EPHA6: variants seen among roughly 807,000 people sequenced by gnomAD.
The protein encoded by EPHA6 is ephrin type-A receptor 6.
A neutral mutation model predicts 112.0 loss-of-function variants in EPHA6; 50 were observed. The observed-to-expected ratio is 0.45, with a 90% CI of 0.36 to 0.56. The LOEUF (loss-of-function observed/expected upper bound fraction) is 0.56. Ranked by LOEUF, EPHA6 falls within the 20% of genes least tolerant of loss-of-function variation. EPHA6 has a pLI of 0.00. For missense variants in EPHA6, 1,280 were observed against 1,417.4 expected (o/e 0.90, Z 1.56); for synonymous variants, 529 against 490.7 (o/e 1.08, Z -1.03).
At chr3:97,589,156 T>C (rs1260214938) in intron 11 of EPHA6, among the ~76,000 whole-genome samples, 1 of 151,538 alleles carries the variant, frequency 6.6e-6, no homozygotes, top group South Asian at 2.1e-4. Context: ...ATTTTTTCTT[T>C]TCTTCTCTTT....
intron 5 of EPHA6, among the ~76,000 whole-genome samples, chr3:97,372,103 C>A (rs2085090568): frequency 6.6e-6 from 1 of 152,108 alleles, no homozygotes; most frequent in African/African-American, 2.4e-5. Context: ...CATGTGATCT[C>A]TGTGACCCAC....
intron 12 of EPHA6, among the ~76,000 whole-genome samples, chr3:97,600,046 C>T (rs1327294120): frequency 6.0e-5 from 9 of 150,534 alleles, no homozygotes; most frequent in Non-Finnish European, 1.2e-4. Flanking sequence ...TGGGAGTTCA[C>T]TCATGATTTG....
chr3:97,027,437 A>C (rs1468927370), intron 3 of EPHA6, among the ~76,000 whole-genome samples: 2 of 152,290 alleles, frequency 1.3e-5, no homozygotes, highest in East Asian at 1.9e-4. Context: ...CCCTAAAATT[A>C]AAATGTTAAA....
chr3:97,483,978 G>A lies in EPHA6; in HGVS notation c.2119G>A (p.Glu707Lys). 6.2e-7 allele frequency: 1 copy of A among 1,609,414 alleles called. No homozygotes were observed. ...AACTTACATTGATCCAGATACATATGAAGACCCATCCCTAGCAGTCCATGA... is the reference window on the plus strand; with the variant it reads ...AACTTACATTGATCCAGATACATATAAAGACCCATCCCTAGCAGTCCATGA... The part of the protein sequence containing the change: ...IKTYIDPDTY[E>K]DPSLAVHEFA... The change falls in exon 10 of 18, where the codon GAA (glutamate) becomes AAA (lysine). Residue 707 changes from glutamate to lysine, a missense_variant. Physicochemically the swap from Glu to Lys is moderately conservative, Grantham distance 56 (BLOSUM62 1). Around this residue, in one of 4 missense-constraint regions of EPHA6, gnomAD observed 878 missense variants for 999.7 expected, o/e 0.88. Transcript: ENST00000389672.
Position 97,065,186 on chromosome 3 carries a change from A to G in EPHA6, c.1114+77193A>G, listed in dbSNP as rs184264091. ...TGCACGAGGAGATTCATAAAGCTAT[A>G]AAATTATTCTAAGCCAGAACAGAAT... On this transcript the variant is annotated intron_variant, in intron 3 of 17. Coordinates refer to ENST00000389672, the MANE Select transcript of EPHA6 (RefSeq NM_001080448.3). Among the ~76,000 whole-genome samples the G allele has an allele frequency of 2.6e-5, 4 of 152,284 alleles. 1 individual carries two copies. The East Asian group carries it at 7.7e-4, about 29-fold the overall frequency.
At chr3:97,318,171 A>C (rs756938097) in intron 5 of EPHA6, among the ~76,000 whole-genome samples, 1 of 151,972 alleles carries the variant, frequency 6.6e-6, no homozygotes, top group Non-Finnish European at 1.5e-5. Flanking sequence ...TTTTAACGTT[A>C]AAGTCCAGAA....
chr3:97,374,010 T>G (rs754260695), intron 5 of EPHA6, among the ~76,000 whole-genome samples: 1 of 152,140 alleles, frequency 6.6e-6, no homozygotes, highest in East Asian at 1.9e-4. Flanking sequence ...TTCAAAGCTT[T>G]TTCAGAAACC....
In EPHA6 at chr3:97,534,452, A is replaced by ACC. The variant is rs371535555; in HGVS notation, c.2386+1916_2386+1917dup. ...TGAAGTCTGTCTCACTTTAAAACCC[A>ACC]CCCCCCCCTTTTTTTTTTTTTGCTT... On this transcript the variant is annotated intron_variant, in intron 11 of 17. Coordinates refer to ENST00000389672, the MANE Select transcript of EPHA6 (RefSeq NM_001080448.3). Among the ~76,000 whole-genome samples, 240 of 107,064 alleles carry ACC rather than the reference A, an allele frequency of 2.2e-3. 1 individual carries two copies. Among genetic ancestry groups the ACC allele is most frequent in the African/African-American group, 7.9e-3 (203 of 25,644 alleles). 70.2% of individuals were successfully genotyped at this position (107,064 alleles called of 152,430 possible).
intron 3 of EPHA6, among the ~76,000 whole-genome samples, chr3:97,097,954 T>G (rs1420640874): frequency 6.6e-6 from 1 of 151,890 alleles, no homozygotes; most frequent in Non-Finnish European, 1.5e-5. Context: ...CAAATTAAAA[T>G]TTTGCAAAAA....
chr3:97,097,651 C>T (rs952768958), intron 3 of EPHA6, among the ~76,000 whole-genome samples: 14 of 151,438 alleles, frequency 9.2e-5, no homozygotes, highest in African/African-American at 2.9e-4. Context: ...ATTGGAAGAC[C>T]TTTTGTATGG....
At chr3:97,435,039 A>T (rs1304152063) in intron 6 of EPHA6, among the ~76,000 whole-genome samples, 3 of 152,052 alleles carry the variant, frequency 2.0e-5, no homozygotes, top group South Asian at 4.2e-4. Flanking sequence ...AAAAGTTTAA[A>T]CTGCCAGTTT....
chr3:97,313,077 C>CTAACCT (rs2081637149), intron 5 of EPHA6, among the ~76,000 whole-genome samples: 1 of 151,486 alleles, frequency 6.6e-6, no homozygotes, highest in Non-Finnish European at 1.5e-5. Flanking sequence ...CCTTCCCTGT[C>CTAACCT]TCCCCTCAGC....
Position 97,752,047 on chromosome 3 carries a change from A to T in EPHA6, c.*3346A>T, listed in dbSNP as rs1265876866. ...GCAAAATTTTGGTGGTTTAACACGAATCAAGAATTATAGCACTTTTGCAAT... is the reference window on the plus strand; with the variant it reads ...GCAAAATTTTGGTGGTTTAACACGATTCAAGAATTATAGCACTTTTGCAAT... On this transcript the variant is annotated 3_prime_UTR_variant, in exon 18 of 18. Transcript: ENST00000389672. The T allele has an allele frequency of 4.5e-6, 1 of 223,678 alleles. No individual in the cohort carries two copies. Among genetic ancestry groups the T allele is most frequent in the African/African-American group, 2.2e-5 (1 of 44,858 alleles). The allele number at this position is 223,678 out of a possible 1,614,324, so 13.9% of individuals were successfully genotyped here.
At chr3:97,692,656 C>T (rs1352941451) in intron 14 of EPHA6, among the ~76,000 whole-genome samples, 1 of 152,180 alleles carries the variant, frequency 6.6e-6, no homozygotes, top group African/African-American at 2.4e-5. Context: ...GACTCGTTTG[C>T]TTTTAATTTA....
At chr3:97,476,334 C>T (rs989359969) in intron 8 of EPHA6, among the ~76,000 whole-genome samples, 6 of 152,024 alleles carry the variant, frequency 3.9e-5, no homozygotes, top group African/African-American at 9.7e-5. Context: ...CACACATCTA[C>T]TGCAATATTT....
chr3:97,447,424 G>A (rs2090383466), intron 6 of EPHA6, among the ~76,000 whole-genome samples: 1 of 152,114 alleles, frequency 6.6e-6, no homozygotes, highest in Non-Finnish European at 1.5e-5. Context: ...AAGTCATTTT[G>A]CATCTCTGAA....
chr3:97,498,330 CAAA>C (rs1297962805), intron 10 of EPHA6, among the ~76,000 whole-genome samples: 2,400 of 58,468 alleles, frequency 0.041, 71 homozygotes, highest in African/African-American at 0.094. Flanking sequence ...AAGAAAATAG[CAAA>C]AAAAAAAAAA....
At chr3:97,665,659 G>A (rs569518496) in intron 14 of EPHA6, among the ~76,000 whole-genome samples, 4 of 152,168 alleles carry the variant, frequency 2.6e-5, no homozygotes, top group South Asian at 4.1e-4. Context: ...CTTCTCCCAC[G>A]GACCTCACTT....
Position 96,869,011 on chromosome 3 carries a change from C to T in EPHA6, c.450+2122C>T, listed in dbSNP as rs182280440. Among the ~76,000 whole-genome samples the T allele has an allele frequency of 2.0e-5, 3 of 151,992 alleles. No homozygotes were observed. The East Asian group carries it at 5.8e-4, about 30-fold the overall frequency. ...TAATTATGGAAAAAGGATGAATAGT[C>T]TGAACAAATAACGTTTTAGGCTTAC... is the stretch of plus-strand genomic sequence containing the variant. On this transcript the variant is annotated intron_variant, in intron 2 of 17. Transcript: ENST00000389672.
Sources: allele counts gnomAD v4.1 joint callset (sites outside exome capture counted in the v4.1 genomes callset), GRCh38; gene constraint gnomAD v4.1.1; regional missense constraint gnomAD v4.1.1; transcripts MANE v1.5; gene names NCBI Gene and HGNC (gene_info 2026-07-23, HGNC 2026-07-21).